The following CTIF variants were observed in gnomAD, a reference collection of about 807,000 sequenced individuals.
CTIF encodes cap binding complex dependent translation initiation factor.
CTIF carries 21 observed loss-of-function variants against 66.0 expected under a neutral mutation model. The observed-to-expected ratio is 0.32, with a 90% CI of 0.23 to 0.46. The LOEUF (loss-of-function observed/expected upper bound fraction) is 0.46. CTIF is among the 20% of genes least tolerant of loss of function. The pLI is 1.00. For synonymous variants in CTIF, 345 were observed against 326.4 expected, an observed-to-expected ratio of 1.06 and a Z score of -0.62; for missense variants, 739 against 812.7, an observed-to-expected ratio of 0.91 and a Z score of 1.10.
rs144457594 is a variant in CTIF at position 48,693,099 on chromosome 18, A to G, written c.508-18520A>G. Among the ~76,000 whole-genome samples, 61 of 152,330 alleles carry G rather than the reference A, an allele frequency of 4.0e-4. No homozygotes were observed. The East Asian group carries it at 0.01, about 26-fold the overall frequency. ...ATGATGAATCGGTGTTAATGAGCAT[A>G]TATGTGTTGCCACAGAGAAATGTAC... On this transcript the variant is annotated intron_variant, in intron 6 of 11. Coordinates refer to ENST00000256413, the MANE Select transcript of CTIF (RefSeq NM_014772.3).
At chr18:48,858,792 A>G (rs1344440632) in intron 11 of CTIF, among the ~76,000 whole-genome samples, 3 of 152,188 alleles carry the variant, frequency 2.0e-5, no homozygotes, top group Admixed American at 6.5e-5. Flanking sequence ...TGTCACAAGC[A>G]TGAGCAGAGG....
intron 10 of CTIF, among the ~76,000 whole-genome samples, chr18:48,838,879 C>T (rs942697864): frequency 6.6e-6 from 1 of 152,198 alleles, no homozygotes; most frequent in Non-Finnish European, 1.5e-5. Flanking sequence ...ATCTCAGGCC[C>T]AGGCACATCT....
chr18:48,857,244 C>T (rs2069349527), intron 10 of CTIF, among the ~76,000 whole-genome samples: 1 of 152,228 alleles, frequency 6.6e-6, no homozygotes, highest in African/African-American at 2.4e-5. Flanking sequence ...CTTCTGCTGA[C>T]CAGTTGTTAA....
At chr18:48,857,944 G>A (rs2069368289) in intron 11 of CTIF, among the ~76,000 whole-genome samples, 2 of 152,204 alleles carry the variant, frequency 1.3e-5, no homozygotes, top group Non-Finnish European at 2.9e-5. Flanking sequence ...CCACACAAAT[G>A]ACTTAAGAAG....
intron 9 of CTIF, among the ~76,000 whole-genome samples, chr18:48,791,680 T>C (rs1465232668): frequency 6.6e-6 from 1 of 152,234 alleles, no homozygotes; most frequent in African/African-American, 2.4e-5. Context: ...GTCTCAACCG[T>C]AGCTTTTATC....
At position 48,758,652 on chromosome 18, in the gene CTIF, G is replaced by T. The variant is rs572511858; in HGVS notation, c.1071+247G>T. 1.2e-4 allele frequency among the ~76,000 whole-genome samples: 18 copies of T among 152,300 alleles called. No homozygotes were observed. In the South Asian group the frequency reaches 3.7e-3, roughly 32 times the overall value. On this transcript the variant is annotated intron_variant, in intron 8 of 11. Coordinates refer to ENST00000256413, the MANE Select transcript of CTIF (RefSeq NM_014772.3). The stretch of plus-strand genomic sequence containing the variant: ...CACCTTCCAAACTCCAAGAGGCCCA[G>T]GGTGGGCACTTGGAACCAGCCCCCA...
intron 6 of CTIF, among the ~76,000 whole-genome samples, chr18:48,676,137 C>T (rs1005304580): frequency 6.6e-6 from 1 of 152,126 alleles, no homozygotes; most frequent in Non-Finnish European, 1.5e-5. Context: ...GGCATGTTGT[C>T]CCTGTGCCCT....
chr18:48,737,040 G>A (rs977343087), intron 7 of CTIF, among the ~76,000 whole-genome samples: 3 of 152,094 alleles, frequency 2.0e-5, no homozygotes, highest in Non-Finnish European at 2.9e-5. Flanking sequence ...ATGGCTCCAT[G>A]TCACCCAGCA....
At chr18:48,743,223 G>A (rs2092569444) in intron 7 of CTIF, among the ~76,000 whole-genome samples, 1 of 152,120 alleles carries the variant, frequency 6.6e-6, no homozygotes, top group Non-Finnish European at 1.5e-5. Context: ...CACAACCCCG[G>A]GCTGGAGGCA....
At chr18:48,545,802 G>A (rs540386978) in intron 1 of CTIF, among the ~76,000 whole-genome samples, 3 of 152,294 alleles carry the variant, frequency 2.0e-5, no homozygotes, top group South Asian at 4.1e-4. Context: ...GCCACTGAGC[G>A]TAACCACGGT....
At chr18:48,648,108 T>C (rs1362021520) in intron 3 of CTIF, among the ~76,000 whole-genome samples, 1 of 122,206 alleles carries the variant, frequency 8.2e-6, no homozygotes, top group Non-Finnish European at 1.7e-5. Flanking sequence ...CAGGACAGGC[T>C]CAAATAGCAT....
At chr18:48,638,076 C>T (rs1184046950) in intron 3 of CTIF, among the ~76,000 whole-genome samples, 1 of 152,008 alleles carries the variant, frequency 6.6e-6, no homozygotes, top group Non-Finnish European at 1.5e-5. Flanking sequence ...GTCTCTGCTG[C>T]CTCCCTGCCT....
chr18:48,629,667 G>A (rs574774925), intron 2 of CTIF, among the ~76,000 whole-genome samples: 2 of 149,484 alleles, frequency 1.3e-5, no homozygotes, highest in South Asian at 4.2e-4. Flanking sequence ...TGTGATCTTT[G>A]TCTAATCCAA....
At chr18:48,840,809 C>T (rs2068922188) in intron 10 of CTIF, among the ~76,000 whole-genome samples, 1 of 152,140 alleles carries the variant, frequency 6.6e-6, no homozygotes. Context: ...ACCAGCTGCA[C>T]TCCCTCACCC....
intron 9 of CTIF, among the ~76,000 whole-genome samples, chr18:48,810,648 A>G (rs2068240095): frequency 6.6e-6 from 1 of 151,498 alleles, no homozygotes; most frequent in Admixed American, 6.6e-5. Context: ...TATTCATTTA[A>G]TCGGCCATAG....
In CTIF at chr18:48,562,249, G is replaced by A. The variant is rs113711205; in HGVS notation, c.-29+22937G>A. Among the ~76,000 whole-genome samples, 1,184 of 152,320 alleles carry A rather than the reference G, an allele frequency of 7.8e-3. 11 individuals carry two copies. Among genetic ancestry groups the A allele is most frequent in the African/African-American group, 0.027 (1,139 of 41,554 alleles). The stretch of plus-strand genomic sequence containing the variant: ...AATCCTTATGAAAACATTATGAGAT[G>A]AGCAGTAGTATCATCACCCACATTT... On this transcript the variant is annotated intron_variant, in intron 1 of 11. Coordinates refer to ENST00000256413, the MANE Select transcript of CTIF (RefSeq NM_014772.3).
At chr18:48,795,696 C>T (rs1399551083) in intron 9 of CTIF, among the ~76,000 whole-genome samples, 1 of 152,232 alleles carries the variant, frequency 6.6e-6, no homozygotes, top group Non-Finnish European at 1.5e-5. Flanking sequence ...TCAAGTTCAA[C>T]ACTTGGGTAT....
intron 7 of CTIF, among the ~76,000 whole-genome samples, chr18:48,753,728 G>T (rs903979386): frequency 1.3e-5 from 2 of 152,238 alleles, no homozygotes; most frequent in Non-Finnish European, 2.9e-5. Flanking sequence ...GAGGCAGAGA[G>T]TTGGGTTTTT....
At chr18:48,717,671 T>G (rs1474051682) in intron 7 of CTIF, among the ~76,000 whole-genome samples, 1 of 152,128 alleles carries the variant, frequency 6.6e-6, no homozygotes, top group Non-Finnish European at 1.5e-5. Flanking sequence ...TAAAAAAAAT[T>G]TAAAGAATAA....
Sources: gnomAD v4.1 joint callset for allele counts (sites outside exome capture counted in the v4.1 genomes callset) on GRCh38, gnomAD v4.1.1 for gene constraint, MANE v1.5 for transcripts, NCBI Gene and HGNC (gene_info 2026-07-23, HGNC 2026-07-21) for gene names.